RGS22: variants seen among roughly 807,000 people sequenced by gnomAD.
RGS22 encodes the protein regulator of G protein signaling 22.
RGS22 carries 148 observed loss-of-function variants against 172.9 expected under a neutral mutation model. That is an observed-to-expected ratio of 0.86 (90% CI 0.75 to 0.98). The LOEUF (loss-of-function observed/expected upper bound fraction) is 0.98, where lower values mean the gene tolerates loss of function less well. RGS22 is among the 50% of genes least tolerant of loss of function. The pLI, the probability that RGS22 is intolerant of heterozygous loss-of-function variation, is 0.00. For synonymous variants in RGS22, 458 were observed against 480.2 expected (o/e 0.95, Z 0.60); for missense variants, 1,347 against 1,440.8 (o/e 0.93, Z 1.05).
chr8:100,003,795 T>A, intron 17 of RGS22, 131 bp downstream of exon 17: 8 of 695,738 alleles, frequency 1.1e-5, no homozygotes, highest in Non-Finnish European at 8.8e-6. Flanking sequence ...TTTCAGATAA[T>A]CATGTTTGTC....
rs542958217 is a variant in RGS22, at chr8:100,054,918, C to A, written c.1515-1942G>T. ...GTGGTTGTGGGGTAAGGCTCCTCCACCTTTGGAAAGTGGAAGGAACAGTGG... is the reference window on the plus strand; with the variant it reads ...GTGGTTGTGGGGTAAGGCTCCTCCAACTTTGGAAAGTGGAAGGAACAGTGG... On this transcript the variant is annotated intron_variant, in intron 9 of 27. Transcript: ENST00000360863. 9.2e-5 allele frequency among the ~76,000 whole-genome samples: 14 copies of A among 152,272 alleles called. No individual in the cohort carries two copies. In the East Asian group the frequency reaches 2.5e-3, roughly 27 times the overall value.
intron 18 of RGS22, among the ~76,000 whole-genome samples, chr8:100,001,202 T>TTATATATATATATATATATATATATACA (rs140189906): frequency 2.0e-4 from 25 of 124,774 alleles, no homozygotes; most frequent in Admixed American, 2.6e-4. Flanking sequence ...TCCCAATTTT[T>TTATATATATATATATATATATATATACA]TATATATATA....
chr8:100,089,375 CAT>C (rs768118836), intron 3 of RGS22, among the ~76,000 whole-genome samples: 3 of 152,112 alleles, frequency 2.0e-5, no homozygotes, highest in African/African-American at 4.8e-5. Flanking sequence ...CAATTTCTCT[CAT>C]AAATGCTGGC....
At chr8:100,091,522 G>A (rs540723787) in intron 3 of RGS22, among the ~76,000 whole-genome samples, 1 of 152,242 alleles carries the variant, frequency 6.6e-6, no homozygotes, top group Non-Finnish European at 1.5e-5. Flanking sequence ...TGACTGGGTG[G>A]CAGGATTATC....
intron 3 of RGS22, among the ~76,000 whole-genome samples, chr8:100,090,348 A>C (rs1812481583): frequency 6.6e-6 from 1 of 152,098 alleles, no homozygotes; most frequent in African/African-American, 2.4e-5. Context: ...GGGAAGAATA[A>C]GTGTGGTCAA....
chr8:100,032,131 A>G (rs1818886618), intron 14 of RGS22, among the ~76,000 whole-genome samples: 1 of 152,222 alleles, frequency 6.6e-6, no homozygotes, highest in African/African-American at 2.4e-5. Context: ...ATAACCAGCA[A>G]ACATCATAAT....
rs1380340636 is a variant in RGS22 at position 100,052,152 on chromosome 8, T to TATATAAATATATAAAC, written c.1689+649_1689+650insGTTTATATATTTATAT. 1.3e-4 allele frequency among the ~76,000 whole-genome samples: 8 copies of TATATAAATATATAAAC among 61,574 alleles called. 4 individuals carry two copies. Among genetic ancestry groups the TATATAAATATATAAAC allele is most frequent in the African/African-American group, 7.9e-4 (8 of 10,080 alleles). The allele number at this position is 61,574 out of a possible 152,430, so 40.4% of individuals were successfully genotyped here. A position where few individuals can be genotyped will look rare whatever the true frequency, so the allele number is the denominator to read the frequency against. On this transcript the variant is annotated intron_variant, in intron 10 of 27. Coordinates refer to ENST00000360863, the MANE Select transcript of RGS22 (RefSeq NM_015668.5). Reference sequence around the variant, plus strand: ...ATAAATATATAAACATATATTAATATATATATAAATATATAAACATATATA... The same window carrying TATATAAATATATAAAC: ...ATAAATATATAAACATATATTAATATATATAAATATATAAACATATATAAATATATAAACATATATA...
chr8:100,073,672 G>GT (rs770868551), intron 4 of RGS22, among the ~76,000 whole-genome samples: 7 of 152,102 alleles, frequency 4.6e-5, no homozygotes, highest in Admixed American at 1.3e-4. Flanking sequence ...TACATTCAAT[G>GT]TATCACAGAA....
rs1810317541 is a variant in RGS22, at chr8:99,962,549, C to T, written c.3791-106G>A. 3.5e-6 allele frequency: 5 copies of T among 1,442,824 alleles called. No individual in the cohort carries two copies. The Admixed American group carries it at 9.0e-5, about 26-fold the overall frequency. 89.4% of individuals were successfully genotyped at this position (1,442,824 alleles called of 1,614,324 possible). On this transcript the variant is annotated intron_variant, in intron 26 of 27. Transcript: ENST00000360863. ...GGACTCACACACACGGAGAAATTCT[C>T]CTAAGTTGGGGGGCAGAATAGGGTG...
intron 3 of RGS22, among the ~76,000 whole-genome samples, chr8:100,088,443 GA>G (rs983332340): frequency 6.6e-6 from 1 of 151,636 alleles, no homozygotes; most frequent in Non-Finnish European, 1.5e-5. Context: ...AAGCCAAAAG[GA>G]AAAAAATGTT....
At chr8:100,073,280 T>C (rs568396361) in intron 4 of RGS22, among the ~76,000 whole-genome samples, 3 of 152,254 alleles carry the variant, frequency 2.0e-5, no homozygotes, top group South Asian at 4.2e-4. Flanking sequence ...AGTGAGGAAA[T>C]TGAATGTCCA....
rs1563670445 is a variant in RGS22 at position 100,051,682 on chromosome 8, CATATATATAT to C, written c.1689+1110_1689+1119del. On this transcript the variant is annotated intron_variant, in intron 10 of 27. Coordinates refer to ENST00000360863, the MANE Select transcript of RGS22 (RefSeq NM_015668.5). Reference sequence around the variant, plus strand: ...AAATATATATTTATATATGTTTATACATATATATATTTATATATACGTATATATAAATATA... The same window carrying C: ...AAATATATATTTATATATGTTTATACTTATATATACGTATATATAAATATA... Among the ~76,000 whole-genome samples, 111 of 17,162 alleles carry C rather than the reference CATATATATAT, an allele frequency of 6.5e-3. 25 individuals carry two copies. Among genetic ancestry groups the C allele is most frequent in the African/African-American group, 0.045 (105 of 2,330 alleles). 11.3% of individuals were successfully genotyped at this position (17,162 alleles called of 152,430 possible). A position where few individuals can be genotyped will look rare whatever the true frequency, so the allele number is the denominator to read the frequency against.
intron 20 of RGS22, among the ~76,000 whole-genome samples, chr8:99,994,013 A>G (rs1249762179): frequency 6.6e-6 from 1 of 152,172 alleles, no homozygotes; most frequent in Non-Finnish European, 1.5e-5. Context: ...AATCACAAAA[A>G]CCAGATGATT....
intron 14 of RGS22, among the ~76,000 whole-genome samples, chr8:100,025,209 T>C (rs1308824944): frequency 6.6e-6 from 1 of 152,094 alleles, no homozygotes; most frequent in East Asian, 1.9e-4. Context: ...CTAGCAAACA[T>C]GACAAAATGC....
chr8:99,996,235 A>T (rs1393175752), intron 20 of RGS22, among the ~76,000 whole-genome samples: 1 of 152,204 alleles, frequency 6.6e-6, no homozygotes, highest in South Asian at 2.1e-4. Flanking sequence ...CGTTGTGCAC[A>T]TGTACCCTAG....
chr8:100,100,667 T>C (rs1324042798), intron 2 of RGS22, among the ~76,000 whole-genome samples: 1 of 152,194 alleles, frequency 6.6e-6, no homozygotes, highest in Non-Finnish European at 1.5e-5. Flanking sequence ...TCAACTATGT[T>C]ACTGTATGTT....
chr8:100,011,412 T>A (rs1460505283), intron 14 of RGS22, among the ~76,000 whole-genome samples: 1 of 152,168 alleles, frequency 6.6e-6, no homozygotes, highest in Non-Finnish European at 1.5e-5. Context: ...CTTCCCAGAC[T>A]CCTCTTGGCT....
At position 100,027,458 on chromosome 8, in the gene RGS22, C is replaced by T. The variant is rs183937911; in HGVS notation, c.2166+11473G>A. 4.0e-3 allele frequency among the ~76,000 whole-genome samples: 604 copies of T among 152,070 alleles called. 5 individuals carry two copies. The highest frequency in any genetic ancestry group is 0.017 in the Middle Eastern group (5 of 294). ...AGGAGATTCTTAAAAGGTTGTGATTCAATGTAGTATATTTTATTTCATTTT... is the reference window on the plus strand; with the variant it reads ...AGGAGATTCTTAAAAGGTTGTGATTTAATGTAGTATATTTTATTTCATTTT... On this transcript the variant is annotated intron_variant, in intron 14 of 27. Transcript: ENST00000360863.
chr8:100,105,707 G>A (rs151082747), intron 1 of RGS22, 190 bp downstream of exon 1: 23 of 560,402 alleles, frequency 4.1e-5, no homozygotes, highest in Admixed American at 7.5e-5. Context: ...AGATAACGTG[G>A]TGCCAGCATA....
Sources: gnomAD v4.1 joint callset for allele counts (sites outside exome capture counted in the v4.1 genomes callset) on GRCh38, gnomAD v4.1.1 for gene constraint, MANE v1.5 for transcripts, NCBI Gene and HGNC (gene_info 2026-07-23, HGNC 2026-07-21) for gene names.